Variants in UROS observed in about 807,000 individuals in gnomAD.
The protein encoded by UROS is uroporphyrinogen-III synthase.
A neutral mutation model predicts 33.0 loss-of-function variants in UROS; 18 were observed. The ratio of observed to expected loss-of-function variants is 0.55; its 90% CI spans 0.38 to 0.81. The LOEUF is 0.81. Ranked by LOEUF, UROS falls within the 30% of genes least tolerant of loss-of-function variation. The pLI, the probability that UROS is intolerant of heterozygous loss-of-function variation, is 0.00. For missense variants in UROS, 293 were observed against 314.9 expected (o/e 0.93, Z 0.53); for synonymous variants, 114 against 121.1 (o/e 0.94, Z 0.38).
At chr10:125,789,393 G>T (rs984386338) in intron 9 of UROS, 2 of 1,147,766 alleles carry the variant, frequency 1.7e-6, no homozygotes, top group Non-Finnish European at 2.2e-6. Flanking sequence ...TGTGGCAGGG[G>T]CAGTGACTGA....
At chr10:125,788,022 T>A (rs1172773358), downstream of UROS, among the ~76,000 whole-genome samples, 1 of 152,172 alleles carries the variant, frequency 6.6e-6, no homozygotes. Context: ...GAATGTCCAC[T>A]CCTCAGGGTT....
rs1852884533 is a variant in UROS at position 125,812,275 on chromosome 10, A to T, written c.258T>A (p.Ser86=). 3 of 1,613,842 alleles carry T rather than the reference A, an allele frequency of 1.9e-6. No homozygotes were observed. The highest frequency in any genetic ancestry group is 1.7e-6 in the Non-Finnish European group (2 of 1,179,940). The change falls in exon 5 of 10, where the codon TCT becomes TCA. Residue 86 remains serine (S), a synonymous_variant. Transcript: ENST00000368797. ...QNNKTEVWER[S]LKEKWNAKSV... ...ACTTGGCATTCCATTTTTCTTTCAGAGACCTTTCCCAGACTGTAAAACATG... is the reference window on the plus strand; with the variant it reads ...ACTTGGCATTCCATTTTTCTTTCAGTGACCTTTCCCAGACTGTAAAACATG...
chr10:125,807,690 T>C (rs1376726499), intron 5 of UROS, among the ~76,000 whole-genome samples: 4 of 152,164 alleles, frequency 2.6e-5, no homozygotes. Flanking sequence ...ACCCCAGTTG[T>C]GTAGGCTGGG....
intron 6 of UROS, 74 bp from the exon 7 acceptor site, chr10:125,798,219 T>C (rs904688399): frequency 2.0e-6 from 3 of 1,511,876 alleles, no homozygotes; most frequent in Non-Finnish European, 2.8e-6. Flanking sequence ...GAGGGGCAGC[T>C]TTGGGAAGGG....
intron 2 of UROS, 83 bp from the exon 3 acceptor site, chr10:125,816,343 CCT>C: frequency 6.2e-7 from 1 of 1,600,708 alleles, no homozygotes; most frequent in Non-Finnish European, 8.6e-7. Flanking sequence ...TGCGTCAGTT[CCT>C]CTGAGGTTTT....
intron 3 of UROS, among the ~76,000 whole-genome samples, chr10:125,815,352 C>T (rs1853219486): frequency 6.6e-6 from 1 of 152,140 alleles, no homozygotes; most frequent in Non-Finnish European, 1.5e-5. Flanking sequence ...CAGTATTTCC[C>T]TCAGGAAGCT....
intron 7 of UROS, among the ~76,000 whole-genome samples, chr10:125,797,729 C>T (rs931244036): frequency 6.6e-6 from 1 of 151,790 alleles, no homozygotes; most frequent in African/African-American, 2.4e-5. Context: ...CTTTCTTCTA[C>T]ATGTGGAACC....
At chr10:125,795,896 T>C (rs1441119225) in intron 8 of UROS, among the ~76,000 whole-genome samples, 2 of 152,188 alleles carry the variant, frequency 1.3e-5, no homozygotes, top group Non-Finnish European at 2.9e-5. Flanking sequence ...CAGCTTGCAA[T>C]AGACATTTCA....
At chr10:125,789,043 C>A (rs372846883) in intron 9 of UROS, 38 bp from the exon 10 acceptor site, 7 of 1,610,986 alleles carry the variant, frequency 4.3e-6, no homozygotes, top group Non-Finnish European at 5.9e-6. Flanking sequence ...TTCAGCACAC[C>A]AGGAGGGGCT....
intron 1 of UROS, among the ~76,000 whole-genome samples, chr10:125,820,276 GTGT>G: frequency 6.6e-6 from 1 of 152,324 alleles, no homozygotes; most frequent in Admixed American, 6.5e-5. Context: ...AGGAAGGCTG[GTGT>G]TGTAGCCTGA....
chr10:125,795,293 C>A (rs7342097), intron 8 of UROS: 3 of 407,578 alleles, frequency 7.4e-6, no homozygotes, highest in South Asian at 2.2e-5. Context: ...TGTGGTCATA[C>A]GGCACTGATC....
In UROS at chr10:125,796,150, C is replaced by T. The variant is rs755224381; in HGVS notation, c.514G>A (p.Ala172Thr). The T allele has an allele frequency of 6.2e-7, 1 of 1,614,194 alleles. No individual in the cohort carries two copies. The highest frequency in any genetic ancestry group is 8.5e-7 in the Non-Finnish European group (1 of 1,180,040). The change falls in exon 8 of 10, where the codon GCA becomes ACA. Residue 172 changes from alanine (A) to threonine (T), a missense_variant. By Grantham distance (58) the Ala-to-Thr change is moderately conservative. Coordinates refer to ENST00000368797, the MANE Select transcript of UROS (RefSeq NM_000375.3). ...AGGTTCCCTTGGATTCCTGGGTGTG[C>T]AACTGTCTGATACACAGTTATGCTT... The part of the protein sequence containing the change: ...MESITVYQTV[A>T]HPGIQGNLNS...
downstream of UROS, among the ~76,000 whole-genome samples, chr10:125,787,118 T>G (rs1228404469): frequency 6.6e-6 from 1 of 152,192 alleles, no homozygotes; most frequent in East Asian, 1.9e-4. Flanking sequence ...TAGCCTCACA[T>G]CTCTTCAAAA....
chr10:125,786,332 C>G (rs1370142253), downstream of UROS, among the ~76,000 whole-genome samples: 1 of 149,284 alleles, frequency 6.7e-6, no homozygotes, highest in African/African-American at 2.5e-5. Context: ...GGCTGGAGTG[C>G]AGTGGCACGA....
At chr10:125,808,832 A>G (rs1852559265) in intron 5 of UROS, among the ~76,000 whole-genome samples, 1 of 152,232 alleles carries the variant, frequency 6.6e-6, no homozygotes, top group Admixed American at 6.5e-5. Flanking sequence ...ATGGCTCTCA[A>G]GAAATGTTTG....
In UROS at chr10:125,794,771, T is replaced by G. The variant is rs1851207597; in HGVS notation, c.660+109A>C. On this transcript the variant is annotated intron_variant, in intron 9 of 9. Transcript: ENST00000368797. ...GCTGCCCTTCCAATTCTAAGGCACC[T>G]GCTAGGCCAGGGGTGTCTCACTTGA... The G allele has an allele frequency of 5.6e-6, 6 of 1,080,416 alleles. No individual in the cohort carries two copies. In the East Asian group the frequency reaches 1.6e-4, roughly 28 times the overall value. 66.9% of individuals were successfully genotyped at this position (1,080,416 alleles called of 1,614,324 possible).
intron 1 of UROS, 154 bp from the exon 2 acceptor site, chr10:125,816,679 C>T (rs1395365039): frequency 4.2e-6 from 3 of 706,822 alleles, no homozygotes; most frequent in Non-Finnish European, 7.3e-6. Context: ...TGGGCTTGTT[C>T]TTTCTGAAGA....
intron 6 of UROS, among the ~76,000 whole-genome samples, chr10:125,803,325 C>A (rs1218659729): frequency 6.6e-6 from 1 of 152,172 alleles, no homozygotes; most frequent in East Asian, 1.9e-4. Flanking sequence ...CTCAAACTCC[C>A]TGATAGCATT....
intron 6 of UROS, among the ~76,000 whole-genome samples, chr10:125,806,513 GT>G (rs1170523712): frequency 2.6e-5 from 4 of 152,200 alleles, no homozygotes; most frequent in Non-Finnish European, 5.9e-5. Flanking sequence ...CAAGCCCATT[GT>G]TTGTTTATTT....
Sources: gnomAD v4.1 joint callset for allele counts (sites outside exome capture counted in the v4.1 genomes callset) on GRCh38, gnomAD v4.1.1 for gene constraint, MANE v1.5 for transcripts, NCBI Gene and HGNC (gene_info 2026-07-23, HGNC 2026-07-21) for gene names.